The following ASPH variants were observed in gnomAD, a reference collection of about 807,000 sequenced individuals.
ASPH encodes aspartyl/asparaginyl beta-hydroxylase.
ASPH carries 100 observed loss-of-function variants against 118.4 expected under a neutral mutation model. That is an observed-to-expected ratio of 0.84 (90% CI 0.72 to 1.00). The LOEUF (loss-of-function observed/expected upper bound fraction) is 1.00, where lower values mean the gene tolerates loss of function less well. ASPH is among the 50% of genes least tolerant of loss of function. The pLI is 0.00. For synonymous variants in ASPH, 315 were observed against 325.6 expected, an observed-to-expected ratio of 0.97 and a Z score of 0.35; for missense variants, 920 against 919.5, an observed-to-expected ratio of 1.00 and a Z score of -0.01.
intron 20 of ASPH, among the ~76,000 whole-genome samples, chr8:61,552,538 G>A (rs1826380888): frequency 1.3e-5 from 2 of 152,078 alleles, no homozygotes; most frequent in South Asian, 4.1e-4. Context: ...GTGTGATTAG[G>A]AATCAGCTGA....
intron 16 of ASPH, among the ~76,000 whole-genome samples, chr8:61,575,280 T>G (rs1834759180): frequency 6.6e-6 from 1 of 152,228 alleles, no homozygotes. Context: ...TCTTAATACT[T>G]TATAATGTTC....
intron 14 of ASPH, among the ~76,000 whole-genome samples, chr8:61,596,360 C>T (rs1408673785): frequency 6.6e-6 from 1 of 152,372 alleles, no homozygotes; most frequent in South Asian, 2.1e-4. Flanking sequence ...GCTACTGCTA[C>T]TGCCATGGCC....
intron 3 of ASPH, among the ~76,000 whole-genome samples, chr8:61,669,540 G>A (rs1821364677): frequency 6.6e-6 from 1 of 152,210 alleles, no homozygotes; most frequent in Admixed American, 6.5e-5. Flanking sequence ...CAAAAACAGT[G>A]TATAACCCAG....
At chr8:61,620,586 G>A (rs568364258) in intron 13 of ASPH, among the ~76,000 whole-genome samples, 2 of 151,896 alleles carry the variant, frequency 1.3e-5, no homozygotes, top group African/African-American at 2.4e-5. Context: ...AGCTGAACTA[G>A]ACTATTCAAT....
intron 16 of ASPH, among the ~76,000 whole-genome samples, chr8:61,567,741 T>A (rs1832213410): frequency 6.6e-6 from 1 of 152,214 alleles, no homozygotes; most frequent in South Asian, 2.1e-4. Flanking sequence ...TGAACAAAAC[T>A]GACAAAGCCC....
chr8:61,512,029 T>C (rs1465041697), intron 24 of ASPH, among the ~76,000 whole-genome samples: 2 of 152,206 alleles, frequency 1.3e-5, no homozygotes, highest in Non-Finnish European at 2.9e-5. Context: ...GCATTTGAAG[T>C]GATCACCTTA....
chr8:61,665,427 C>A, intron 3 of ASPH: 1 of 1,604,288 alleles, frequency 6.2e-7, no homozygotes, highest in Non-Finnish European at 8.5e-7. Flanking sequence ...TCCACTTTCT[C>A]TTTTTCTCTG....
rs1589319976 is a variant in ASPH, at chr8:61,703,350, C to T, written c.103+10919G>A. On this transcript the variant is annotated intron_variant, in intron 1 of 24. Transcript: ENST00000379454. ...AAGTAAGACTGTTTCTATTAATGGG[C>T]TTCATGATATTTACATAGAAAATCC... 5.3e-5 allele frequency among the ~76,000 whole-genome samples: 8 copies of T among 152,106 alleles called. 2 individuals are homozygous for T. The highest frequency in any genetic ancestry group is 5.2e-4 in the Admixed American group (8 of 15,292).
At chr8:61,554,535 A>G (rs921313366) in intron 19 of ASPH, among the ~76,000 whole-genome samples, 3 of 152,232 alleles carry the variant, frequency 2.0e-5, no homozygotes, top group African/African-American at 7.2e-5. Flanking sequence ...GCTGCTAGCC[A>G]CACATTACTG....
At chr8:61,633,433 T>A (rs924991288) in intron 13 of ASPH, 4 of 314,494 alleles carry the variant, frequency 1.3e-5, no homozygotes, top group Non-Finnish European at 1.8e-5. Flanking sequence ...CCACCATCTA[T>A]AATGGCAAAA....
intron 2 of ASPH, chr8:61,683,810 A>G (rs1829315930): frequency 7.2e-6 from 3 of 415,092 alleles, no homozygotes; most frequent in East Asian, 3.4e-5. Flanking sequence ...TGTGACAGAC[A>G]TACAATATAA....
At chr8:61,679,612 T>C (rs932227796) in intron 3 of ASPH, among the ~76,000 whole-genome samples, 1 of 151,980 alleles carries the variant, frequency 6.6e-6, no homozygotes, top group African/African-American at 2.4e-5. Flanking sequence ...AGTAATATTA[T>C]TTCTAAAAAT....
At chr8:61,663,325 T>C (rs1330667996) in intron 3 of ASPH, 3 of 985,196 alleles carry the variant, frequency 3.0e-6, no homozygotes, top group African/African-American at 3.5e-5. Flanking sequence ...ACTACAAAAA[T>C]GGTCCCAGAT....
chr8:61,605,762 C>G (rs1239575006), intron 14 of ASPH, among the ~76,000 whole-genome samples: 1 of 152,184 alleles, frequency 6.6e-6, no homozygotes, highest in Non-Finnish European at 1.5e-5. Flanking sequence ...GATCAAACCC[C>G]AAACTCAGAC....
At chr8:61,699,665 A>T (rs951189795) in intron 1 of ASPH, among the ~76,000 whole-genome samples, 6 of 152,144 alleles carry the variant, frequency 3.9e-5, no homozygotes, top group African/African-American at 1.2e-4. Context: ...CCTAAGAAAA[A>T]TTTTTAAAAA....
chr8:61,618,932 C>G, intron 14 of ASPH, 46 bp downstream of exon 14: 1 of 1,478,820 alleles, frequency 6.8e-7, no homozygotes, highest in Non-Finnish European at 9.4e-7. Flanking sequence ...TCATGTTATT[C>G]TTTTCCCCAT....
At chr8:61,513,880 G>C (rs569660873) in intron 24 of ASPH, among the ~76,000 whole-genome samples, 64 of 152,262 alleles carry the variant, frequency 4.2e-4, no homozygotes, top group African/African-American at 1.4e-3. Flanking sequence ...GGAGGGGTTG[G>C]TGGTTGTTTT....
At chr8:61,552,140 G>A (rs1826243184) in intron 20 of ASPH, among the ~76,000 whole-genome samples, 1 of 152,136 alleles carries the variant, frequency 6.6e-6, no homozygotes, top group Admixed American at 6.5e-5. Flanking sequence ...ACATACATGG[G>A]ATGCAATGGT....
At chr8:61,662,702 G>A in intron 3 of ASPH, 3 of 338,194 alleles carry the variant, frequency 8.9e-6, no homozygotes, top group Non-Finnish European at 1.3e-5. Context: ...AGAGAGATGG[G>A]AAAAAATAAA....
Sources: gnomAD v4.1 joint callset for allele counts (sites outside exome capture counted in the v4.1 genomes callset) on GRCh38, gnomAD v4.1.1 for gene constraint, MANE v1.5 for transcripts, NCBI Gene and HGNC (gene_info 2026-07-23, HGNC 2026-07-21) for gene names.